The following CLSTN2 variants were observed in gnomAD, a reference collection of about 807,000 sequenced individuals.
CLSTN2 encodes calsyntenin 2, also known as calsyntenin-2.
A neutral mutation model predicts 101.2 loss-of-function variants in CLSTN2; 48 were observed. The ratio of observed to expected loss-of-function variants is 0.47; its 90% CI spans 0.38 to 0.60. The LOEUF is 0.60. Among genes scored for constraint, CLSTN2 ranks in the 20% least tolerant of loss-of-function variants. CLSTN2 has a pLI of 0.00. For synonymous variants in CLSTN2, 481 were observed against 463.6 expected, an observed-to-expected ratio of 1.04 and a Z score of -0.48; for missense variants, 1,160 against 1,238.2, an observed-to-expected ratio of 0.94 and a Z score of 0.95.
intron 2 of CLSTN2, among the ~76,000 whole-genome samples, chr3:140,307,356 C>T (rs1265147683): frequency 6.6e-6 from 1 of 152,200 alleles, no homozygotes; most frequent in Non-Finnish European, 1.5e-5. Context: ...GCTCTCCTTG[C>T]CCTTCCTCCT....
At chr3:140,324,005 C>T (rs1268356936) in intron 2 of CLSTN2, among the ~76,000 whole-genome samples, 1 of 152,224 alleles carries the variant, frequency 6.6e-6, no homozygotes, top group Admixed American at 6.5e-5. Context: ...AAGAAATCCT[C>T]TACCAAAGAA....
At chr3:140,008,573 G>A (rs910650277) in intron 1 of CLSTN2, among the ~76,000 whole-genome samples, 3 of 152,210 alleles carry the variant, frequency 2.0e-5, no homozygotes, top group South Asian at 2.1e-4. Flanking sequence ...CCCAGTTCCC[G>A]CCATTTGGCC....
At chr3:140,213,373 T>C (rs781774474) in intron 2 of CLSTN2, among the ~76,000 whole-genome samples, 27 of 152,164 alleles carry the variant, frequency 1.8e-4, no homozygotes, top group Non-Finnish European at 3.5e-4. Context: ...AATAAAAAGA[T>C]CCTGAGAGTC....
At chr3:140,125,301 A>G (rs1195600487) in intron 1 of CLSTN2, among the ~76,000 whole-genome samples, 2 of 152,064 alleles carry the variant, frequency 1.3e-5, no homozygotes, top group Non-Finnish European at 2.9e-5. Flanking sequence ...CTTATATGTG[A>G]AAAAATTGTT....
At chr3:139,961,532 T>G (rs981238302) in intron 1 of CLSTN2, among the ~76,000 whole-genome samples, 1 of 152,308 alleles carries the variant, frequency 6.6e-6, no homozygotes, top group Admixed American at 6.5e-5. Context: ...GATGTTGATC[T>G]GCTGGTTCTC....
rs375607527 is a variant in CLSTN2 at position 140,438,632 on chromosome 3, T to G, written c.788-9887T>G. On this transcript the variant is annotated intron_variant, in intron 5 of 16. Coordinates refer to ENST00000458420, the MANE Select transcript of CLSTN2 (RefSeq NM_022131.3). ...GTAAAGATTCTTAAAGAACCACTGC[T>G]CCATCTTTACACTAATAATACATTT... 2.6e-5 allele frequency among the ~76,000 whole-genome samples: 4 copies of G among 152,094 alleles called. No individual in the cohort carries two copies. In the East Asian group the frequency reaches 7.7e-4, roughly 29 times the overall value.
chr3:140,379,877 A>C (rs2087960745), intron 2 of CLSTN2, among the ~76,000 whole-genome samples: 1 of 152,242 alleles, frequency 6.6e-6, no homozygotes, highest in African/African-American at 2.4e-5. Flanking sequence ...CACTGAAAGA[A>C]GACTGTGGAA....
intron 1 of CLSTN2, among the ~76,000 whole-genome samples, chr3:140,140,322 T>G (rs753213297): frequency 6.6e-6 from 1 of 152,116 alleles, no homozygotes; most frequent in African/African-American, 2.4e-5. Context: ...GCATGGCACC[T>G]GACTTTTGCT....
chr3:139,940,960 A>G (rs1935115971), intron 1 of CLSTN2, among the ~76,000 whole-genome samples: 1 of 152,102 alleles, frequency 6.6e-6, no homozygotes, highest in East Asian at 1.9e-4. Context: ...GGTTGTAAGG[A>G]AAGATCTCCT....
intron 4 of CLSTN2, among the ~76,000 whole-genome samples, chr3:140,416,898 A>G (rs2088437430): frequency 6.6e-6 from 1 of 152,234 alleles, no homozygotes. Context: ...CTAGTGAATA[A>G]CAGGATTCAT....
chr3:140,115,047 C>T (rs796762930), intron 1 of CLSTN2, among the ~76,000 whole-genome samples: 3 of 152,324 alleles, frequency 2.0e-5, no homozygotes, highest in African/African-American at 7.2e-5. Context: ...GCCCAACCAA[C>T]ACTTTCTTGT....
intron 2 of CLSTN2, among the ~76,000 whole-genome samples, chr3:140,343,769 G>A (rs1221261016): frequency 1.3e-5 from 2 of 152,222 alleles, no homozygotes; most frequent in Non-Finnish European, 2.9e-5. Context: ...ACTTGAAAGA[G>A]TTTCTAGGCT....
At chr3:140,032,241 T>G (rs2007568227) in intron 1 of CLSTN2, among the ~76,000 whole-genome samples, 1 of 151,464 alleles carries the variant, frequency 6.6e-6, no homozygotes, top group Non-Finnish European at 1.5e-5. Context: ...ATGTAACCTT[T>G]TTTTTTTTTT....
At chr3:140,050,719 G>T (rs2107768159) in intron 1 of CLSTN2, among the ~76,000 whole-genome samples, 1 of 152,318 alleles carries the variant, frequency 6.6e-6, no homozygotes, top group Non-Finnish European at 1.5e-5. Context: ...GAGCTTGGAT[G>T]AAGCAGTCCA....
At chr3:140,511,542 T>G (rs13066168) in intron 8 of CLSTN2, among the ~76,000 whole-genome samples, 3 of 61,100 alleles carry the variant, frequency 4.9e-5, no homozygotes, top group South Asian at 9.8e-4. Context: ...GTTTCTGGAC[T>G]TTTTTTTTTT....
chr3:140,570,390 T>G lies in CLSTN2; in HGVS notation c.*4137T>G, dbSNP rs182956467. On this transcript the variant is annotated 3_prime_UTR_variant, in exon 17 of 17. Coordinates refer to ENST00000458420, the MANE Select transcript of CLSTN2 (RefSeq NM_022131.3). ...ATAGCATTTACACTGTATTAGGTAT[T>G]ATAAGTAACCTAGAGATGATTTGAA... The G allele has an allele frequency of 6.6e-6, 1 of 152,362 alleles. No individual in the cohort carries two copies. Among genetic ancestry groups the G allele is most frequent in the Admixed American group, 6.5e-5 (1 of 15,312 alleles). 9.4% of individuals were successfully genotyped at this position (152,362 alleles called of 1,614,324 possible).
intron 2 of CLSTN2, among the ~76,000 whole-genome samples, chr3:140,195,986 A>G (rs968369702): frequency 2.0e-5 from 3 of 152,370 alleles, no homozygotes; most frequent in Non-Finnish European, 2.9e-5. Flanking sequence ...ATACCCTTCT[A>G]TAGTGGATGC....
intron 1 of CLSTN2, among the ~76,000 whole-genome samples, chr3:140,071,741 G>A (rs1036167836): frequency 6.6e-6 from 1 of 152,260 alleles, no homozygotes; most frequent in Admixed American, 6.5e-5. Context: ...TGAGGCAGGA[G>A]AATGGCATGA....
chr3:140,038,298 G>C (rs1367508710), intron 1 of CLSTN2, among the ~76,000 whole-genome samples: 1 of 152,154 alleles, frequency 6.6e-6, no homozygotes. Flanking sequence ...CTAATGATCA[G>C]TGATGTTGAG....
Sources: gnomAD v4.1 joint callset for allele counts (sites outside exome capture counted in the v4.1 genomes callset) on GRCh38, gnomAD v4.1.1 for gene constraint, MANE v1.5 for transcripts, NCBI Gene and HGNC (gene_info 2026-07-23, HGNC 2026-07-21) for gene names.